Variants in SLC19A3 observed in about 807,000 individuals in gnomAD.
SLC19A3 encodes thiamine transporter 2.
A neutral mutation model predicts 40.2 loss-of-function variants in SLC19A3; 31 were observed. The ratio of observed to expected loss-of-function variants is 0.77; its 90% CI spans 0.58 to 1.04. SLC19A3 has a LOEUF of 1.04. Ranked by LOEUF, SLC19A3 falls within the 50% of genes least tolerant of loss-of-function variation. The pLI is 0.00. For missense variants in SLC19A3, 592 were observed against 596.7 expected (o/e 0.99, Z 0.08); for synonymous variants, 212 against 227.5 (o/e 0.93, Z 0.61).
Position 227,702,172 on chromosome 2 carries a change from T to C in SLC19A3, c.147A>G (p.Ala49=), listed in dbSNP as rs1219435427. The C allele has an allele frequency of 6.2e-7, 1 of 1,613,052 alleles. No homozygotes were observed. The highest frequency in any genetic ancestry group is 1.7e-5 in the Admixed American group (1 of 59,966). Residue 49 remains alanine (A), a synonymous_variant, in exon 2 of 6, where the codon GCA becomes GCG. Coordinates refer to ENST00000644224, the MANE Select transcript of SLC19A3 (RefSeq NM_025243.4). ...ATATGTATGTATGTTAACTTACCTC[T>C]GCACTGGTCAGGTTTTTATCTGGTC... ...LSGPDKNLTS[A]EITNEIFPVW...
chr2:227,701,903 G>C (rs564112259), intron 2 of SLC19A3: 10 of 404,902 alleles, frequency 2.5e-5, no homozygotes, highest in African/African-American at 8.1e-5. Flanking sequence ...ACGGAGACCT[G>C]AAAGTCTCCT....
chr2:227,691,914 T>G (rs1374661557), intron 4 of SLC19A3, among the ~76,000 whole-genome samples: 2 of 152,082 alleles, frequency 1.3e-5, no homozygotes, highest in Non-Finnish European at 2.9e-5. Flanking sequence ...ACTGCAGAAA[T>G]TTAAAGGATC....
intron 1 of SLC19A3, among the ~76,000 whole-genome samples, chr2:227,711,406 C>T (rs1307552395): frequency 1.4e-5 from 2 of 146,376 alleles, no homozygotes; most frequent in African/African-American, 2.5e-5. Context: ...GGTGACAGAG[C>T]GAGACTCTGT....
rs1013557562 is a variant in SLC19A3, at chr2:227,696,214, C to T, written c.980-133G>A. The T allele has an allele frequency of 2.6e-5, 21 of 823,066 alleles. No homozygotes were observed. The African/African-American group carries it at 2.7e-4, about 11-fold the overall frequency. 51.0% of individuals were successfully genotyped at this position (823,066 alleles called of 1,614,324 possible). A position where few individuals can be genotyped will look rare whatever the true frequency, so the allele number is the denominator to read the frequency against. On this transcript the variant is annotated intron_variant, in intron 3 of 5. Coordinates refer to ENST00000644224, the MANE Select transcript of SLC19A3 (RefSeq NM_025243.4). Reference sequence around the variant, plus strand: ...TATTGCTTTCACAAAATTGTGTGATCGACCTGAATGTGGATCTATCCTTTT... The same window carrying T: ...TATTGCTTTCACAAAATTGTGTGATTGACCTGAATGTGGATCTATCCTTTT...
At chr2:227,693,269 AAACAAC>A (rs146228810) in intron 4 of SLC19A3, among the ~76,000 whole-genome samples, 1,707 of 152,186 alleles carry the variant, frequency 0.011, 28 homozygotes, top group African/African-American at 0.038. Flanking sequence ...AAACAAAATG[AAACAAC>A]AACAACAACA....
At position 227,685,027 on chromosome 2, in the gene SLC19A3, C is replaced by T. The variant is rs1287506723; in HGVS notation, c.*2370G>A. 2.1e-5 allele frequency: 3 copies of T among 141,622 alleles called. No individual in the cohort carries two copies. The highest frequency in any genetic ancestry group is 2.2e-4 in the East Asian group (1 of 4,628). 8.8% of individuals were successfully genotyped at this position (141,622 alleles called of 1,614,324 possible). A position where few individuals can be genotyped will look rare whatever the true frequency, so the allele number is the denominator to read the frequency against. ...AAAAGAAGAAGAAGAAAAAGAATAG[C>T]GGCCATTCCTTCCTTGCCTTTAATG... is the stretch of plus-strand genomic sequence containing the variant. On this transcript the variant is annotated 3_prime_UTR_variant, in exon 6 of 6. Transcript: ENST00000644224.
intron 4 of SLC19A3, chr2:227,695,613 A>G (rs1695395902): frequency 1.8e-5 from 7 of 394,224 alleles, no homozygotes; most frequent in South Asian, 1.6e-4. Context: ...CTCTCAAACA[A>G]AATAAAACAA....
At chr2:227,687,621 G>T (rs748723749) in intron 5 of SLC19A3, 48 bp from the exon 6 acceptor site, 2 of 1,587,058 alleles carry the variant, frequency 1.3e-6, no homozygotes. Flanking sequence ...GACCATCTAT[G>T]TCAATGATAA....
chr2:227,692,206 C>G (rs1232221770), intron 4 of SLC19A3, among the ~76,000 whole-genome samples: 1 of 152,158 alleles, frequency 6.6e-6, no homozygotes, highest in Non-Finnish European at 1.5e-5. Context: ...CAAACTCATT[C>G]TACAAGGCCA....
rs1003427089 is a variant in SLC19A3 at position 227,683,808 on chromosome 2, T to G, written c.*3589A>C. ...TTATTTATTTGTTTGATTGTTGGTT[T>G]GTTTGTTCAAGACAGGGTCTCACTC... On this transcript the variant is annotated 3_prime_UTR_variant, in exon 6 of 6. Coordinates refer to ENST00000644224, the MANE Select transcript of SLC19A3 (RefSeq NM_025243.4). 6.6e-6 allele frequency: 1 copy of G among 152,192 alleles called. No homozygotes were observed. Among genetic ancestry groups the G allele is most frequent in the Non-Finnish European group, 1.5e-5 (1 of 68,058 alleles). The allele number at this position is 152,192 out of a possible 1,614,324, so 9.4% of individuals were successfully genotyped here.
At chr2:227,696,656 T>C (rs1695447941) in intron 3 of SLC19A3, among the ~76,000 whole-genome samples, 1 of 152,202 alleles carries the variant, frequency 6.6e-6, no homozygotes, top group Non-Finnish European at 1.5e-5. Context: ...TCTGACATAA[T>C]TTACTTGAGA....
chr2:227,700,482 G>C (rs1033066300), intron 2 of SLC19A3, among the ~76,000 whole-genome samples: 1 of 152,070 alleles, frequency 6.6e-6, no homozygotes, highest in Non-Finnish European at 1.5e-5. Flanking sequence ...AGGTTGCAGA[G>C]AGCCGAGACT....
intron 1 of SLC19A3, among the ~76,000 whole-genome samples, chr2:227,704,276 C>T (rs1169002904): frequency 6.6e-6 from 1 of 152,142 alleles, no homozygotes; most frequent in Non-Finnish European, 1.5e-5. Flanking sequence ...CAAGTGCTGC[C>T]TGGTTTTCGT....
intron 1 of SLC19A3, chr2:227,706,704 G>A (rs1351577003): frequency 1.2e-5 from 2 of 163,392 alleles, no homozygotes; most frequent in African/African-American, 2.4e-5. Flanking sequence ...CCGGGAGATG[G>A]AGGTTGCAGT....
At chr2:227,705,184 A>C (rs1256643512) in intron 1 of SLC19A3, among the ~76,000 whole-genome samples, 2 of 152,186 alleles carry the variant, frequency 1.3e-5, no homozygotes, top group Non-Finnish European at 2.9e-5. Context: ...AACTATCAGA[A>C]TGCATTGCAG....
chr2:227,700,067 G>A (rs1311473775), intron 2 of SLC19A3, among the ~76,000 whole-genome samples: 1 of 151,826 alleles, frequency 6.6e-6, no homozygotes, highest in Non-Finnish European at 1.5e-5. Flanking sequence ...AGAAGAGACG[G>A]GGTTTCACCA....
rs1559252723 is a variant in SLC19A3 at position 227,702,207 on chromosome 2, AT to A, written c.111del (p.Tyr38IlefsTer9). The stretch of plus-strand genomic sequence containing the variant: ...AGGTTTTTATCTGGTCCAGATAAAT[AT>A]GGGATAAGGAATGGTTCTGAGGGTC... ...MMRPSEPFLI[P>X]YLSGPDKNLT... On this transcript the variant is annotated frameshift_variant, in exon 2 of 6. Transcript: ENST00000644224. LOFTEE classifies it high-confidence loss of function. 2.5e-6 allele frequency: 4 copies of A among 1,613,752 alleles called. No individual in the cohort carries two copies. The highest frequency in any genetic ancestry group is 2.2e-5 in the East Asian group (1 of 44,880).
At chr2:227,698,317 T>A (rs1232588297) in intron 3 of SLC19A3, among the ~76,000 whole-genome samples, 1 of 151,680 alleles carries the variant, frequency 6.6e-6, no homozygotes, top group Non-Finnish European at 1.5e-5. Flanking sequence ...TCCGCCACCA[T>A]GACCGGCTAA....
intron 3 of SLC19A3, among the ~76,000 whole-genome samples, chr2:227,698,493 G>A (rs1192403272): frequency 2.0e-5 from 3 of 152,074 alleles, no homozygotes; most frequent in Admixed American, 2.0e-4. Flanking sequence ...TAGAGACGGG[G>A]TTTCACTGCA....
Sources: gnomAD v4.1 joint callset for allele counts (sites outside exome capture counted in the v4.1 genomes callset) on GRCh38, gnomAD v4.1.1 for gene constraint, MANE v1.5 for transcripts, NCBI Gene and HGNC (gene_info 2026-07-23, HGNC 2026-07-21) for gene names.